Variants in IL18R1 observed in about 807,000 individuals in gnomAD.
IL18R1 encodes interleukin 18 receptor 1.
IL18R1 carries 40 observed loss-of-function variants against 48.5 expected under a neutral mutation model. That is an observed-to-expected ratio of 0.82 (90% CI 0.64 to 1.07). The LOEUF (loss-of-function observed/expected upper bound fraction) is 1.07, where lower values mean the gene tolerates loss of function less well. Ranked by LOEUF, IL18R1 falls within the 50% of genes least tolerant of loss-of-function variation. IL18R1 has a pLI of 0.00. For missense variants in IL18R1, 596 were observed against 633.7 expected, an observed-to-expected ratio of 0.94 and a Z score of 0.64; for synonymous variants, 232 against 225.9, an observed-to-expected ratio of 1.03 and a Z score of -0.24.
At chr2:102,368,193 T>C in intron 3 of IL18R1, 125 bp downstream of exon 3, 3 of 1,035,586 alleles carry the variant, frequency 2.9e-6, no homozygotes, top group Non-Finnish European at 4.3e-6. Flanking sequence ...ACTCTTCCTA[T>C]GACATGAAAT....
In IL18R1 at chr2:102,397,873, G is replaced by C. The variant is rs1415215872; in HGVS notation, c.*987G>C. On this transcript the variant is annotated 3_prime_UTR_variant, in exon 11 of 11. Transcript: ENST00000233957. ...CTGGAACCTTATCCAACCTCTTGGTGCTTCAGTTTCCTCATCTGTGAAATT... is the reference window on the plus strand; with the variant it reads ...CTGGAACCTTATCCAACCTCTTGGTCCTTCAGTTTCCTCATCTGTGAAATT... 6.6e-6 allele frequency: 1 copy of C among 152,172 alleles called. No individual in the cohort carries two copies. The highest frequency in any genetic ancestry group is 1.5e-5 in the Non-Finnish European group (1 of 68,032). The allele number at this position is 152,172 out of a possible 1,614,324, so 9.4% of individuals were successfully genotyped here.
chr2:102,364,777 C>A (rs1678786750), intron 2 of IL18R1, among the ~76,000 whole-genome samples: 1 of 152,008 alleles, frequency 6.6e-6, no homozygotes, highest in Admixed American at 6.6e-5. Context: ...GCTGGGGAGG[C>A]CTCAGGAAGC....
intron 6 of IL18R1, among the ~76,000 whole-genome samples, chr2:102,383,811 T>C (rs1206231725): frequency 2.6e-5 from 4 of 152,188 alleles, no homozygotes; most frequent in Non-Finnish European, 5.9e-5. Flanking sequence ...TTCAATTTAT[T>C]CTTTTTAAAA....
chr2:102,394,690 T>G, intron 10 of IL18R1, 63 bp downstream of exon 10: 1 of 1,412,110 alleles, frequency 7.1e-7, no homozygotes, highest in Non-Finnish European at 9.7e-7. Context: ...ATGAATGAGC[T>G]AGCCCCCAGA....
Position 102,376,034 on chromosome 2 carries a change from C to A in IL18R1, c.596C>A (p.Thr199Asn). 6.3e-7 allele frequency: 1 copy of A among 1,597,628 alleles called. No homozygotes were observed. The highest frequency in any genetic ancestry group is 1.3e-5 in the African/African-American group (1 of 74,130). Reference protein sequence around the residue: ...LHHNGKLFNITKTFNITIVED... With the variant: ...LHHNGKLFNINKTFNITIVED... Reference sequence around the variant, plus strand: ...CATAATGGAAAACTATTTAATATCACCAAAACCTTCAATATAACAATAGTG... The same window carrying A: ...CATAATGGAAAACTATTTAATATCAACAAAACCTTCAATATAACAATAGTG... Residue 199 changes from threonine to asparagine, a missense_variant, in exon 5 of 11, where the codon ACC becomes AAC. Thr to Asn is a moderately conservative substitution (Grantham distance 65). This residue lies in a region of IL18R1 where 360 missense variants were observed against 339.4 expected (regional missense o/e 1.06). Coordinates refer to ENST00000233957, the MANE Select transcript of IL18R1 (RefSeq NM_003855.5).
At chr2:102,361,109 T>C (rs1678547832) in intron 1 of IL18R1, among the ~76,000 whole-genome samples, 2 of 152,218 alleles carry the variant, frequency 1.3e-5, no homozygotes, top group South Asian at 4.1e-4. Context: ...TGGTAGATAT[T>C]GAATATTTTT....
In IL18R1 at chr2:102,394,613, T is replaced by C; in HGVS notation, c.1256T>C (p.Val419Ala). ...AAGTTATGCATATTTGAAAGGGATG[T>C]AGTGCCTGGAGGAGGTAAGAGGGAA... ...GYKLCIFERD[V>A]VPGGAVVDEI... is the part of the protein sequence containing the mutation. The change falls in exon 10 of 11, where the codon GTA (valine) becomes GCA (alanine). Residue 419 changes from valine to alanine, a missense_variant. Val to Ala is a moderately conservative substitution (Grantham distance 64, BLOSUM62 0). Around this residue, in one of 3 missense-constraint regions of IL18R1, gnomAD observed 179 missense variants for 206.1 expected, o/e 0.87. Coordinates refer to ENST00000233957, the MANE Select transcript of IL18R1 (RefSeq NM_003855.5). 2 of 1,609,538 alleles carry C rather than the reference T, an allele frequency of 1.2e-6. No individual in the cohort carries two copies. The highest frequency in any genetic ancestry group is 1.7e-6 in the Non-Finnish European group (2 of 1,177,170).
At chr2:102,356,949 T>C (rs557355711) in intron 1 of IL18R1, among the ~76,000 whole-genome samples, 2 of 152,284 alleles carry the variant, frequency 1.3e-5, no homozygotes, top group Admixed American at 6.5e-5. Context: ...GAGGTGTCAA[T>C]TGCAGCCAGA....
intron 8 of IL18R1, among the ~76,000 whole-genome samples, chr2:102,387,892 CAG>C (rs914669459): frequency 1.8e-4 from 28 of 151,564 alleles, no homozygotes; most frequent in Middle Eastern, 3.4e-3. Context: ...GAAAGAGAGA[CAG>C]AGACACAGAG....
chr2:102,360,935 T>G (rs1440340193), intron 1 of IL18R1, among the ~76,000 whole-genome samples: 1 of 152,200 alleles, frequency 6.6e-6, no homozygotes, highest in East Asian at 1.9e-4. Flanking sequence ...AATTCACACA[T>G]AAAACTTAAG....
intron 9 of IL18R1, among the ~76,000 whole-genome samples, chr2:102,392,443 G>A (rs778035403): frequency 1.3e-5 from 2 of 152,098 alleles, no homozygotes; most frequent in African/African-American, 4.8e-5. Context: ...ATGATTTGCG[G>A]TAATTTTTTC....
chr2:102,363,548 C>A (rs1422223977), intron 2 of IL18R1, among the ~76,000 whole-genome samples: 1 of 152,106 alleles, frequency 6.6e-6, no homozygotes, highest in Non-Finnish European at 1.5e-5. Flanking sequence ...AATGATCTGT[C>A]AAACAAGTGA....
chr2:102,374,550 G>A (rs771722403), intron 4 of IL18R1, among the ~76,000 whole-genome samples: 4 of 152,114 alleles, frequency 2.6e-5, no homozygotes, highest in Non-Finnish European at 5.9e-5. Flanking sequence ...AGGCTGAGGT[G>A]GGCGGATTAT....
At position 102,397,648 on chromosome 2, in the gene IL18R1, T is replaced by C. The variant is rs1680891876; in HGVS notation, c.*762T>C. The C allele has an allele frequency of 6.6e-6, 1 of 152,410 alleles. No homozygotes were observed. 9.4% of individuals were successfully genotyped at this position (152,410 alleles called of 1,614,324 possible). A position where few individuals can be genotyped will look rare whatever the true frequency, so the allele number is the denominator to read the frequency against. ...TGCTCTGAAACATTTGTTGATTTTGTGTGAATGTTTATATCAAAATGTTTG... is the reference window on the plus strand; with the variant it reads ...TGCTCTGAAACATTTGTTGATTTTGCGTGAATGTTTATATCAAAATGTTTG... On this transcript the variant is annotated 3_prime_UTR_variant, in exon 11 of 11. Transcript: ENST00000233957.
At position 102,396,740 on chromosome 2, in the gene IL18R1, T is replaced by G. The variant is rs200861889; in HGVS notation, c.1480T>G (p.Ser494Ala). Reference sequence around the variant, plus strand: ...GCCCCAATCACTAAAGCTTTTGAAATCTCACAGAGTTCTGAAGTGGAAGGC... The same window carrying G: ...GCCCCAATCACTAAAGCTTTTGAAAGCTCACAGAGTTCTGAAGTGGAAGGC... Reference protein sequence around the residue: ...FLPQSLKLLKSHRVLKWKADK... With the variant: ...FLPQSLKLLKAHRVLKWKADK... Residue 494 changes from serine to alanine, a missense_variant, in exon 11 of 11, where the codon TCT becomes GCT. Ser to Ala is a moderately conservative substitution (Grantham distance 99). Transcript: ENST00000233957. 4.3e-6 allele frequency: 7 copies of G among 1,614,122 alleles called. No homozygotes were observed. The East Asian group carries it at 1.3e-4, about 31-fold the overall frequency.
intron 4 of IL18R1, among the ~76,000 whole-genome samples, chr2:102,373,275 C>T (rs1679375778): frequency 6.6e-6 from 1 of 152,070 alleles, no homozygotes; most frequent in South Asian, 2.1e-4. Flanking sequence ...GAATACTATA[C>T]AGCCATAAAA....
Position 102,394,470 on chromosome 2 carries a change from T to C in IL18R1, c.1113T>C (p.Asp371=). 3 of 1,606,070 alleles carry C rather than the reference T, an allele frequency of 1.9e-6. No individual in the cohort carries two copies. The highest frequency in any genetic ancestry group is 1.7e-6 in the Non-Finnish European group (2 of 1,175,454). ...HLTRRDETLT[D]GKTYDAFVSY... is the part of the protein sequence containing the mutation. The stretch of plus-strand genomic sequence containing the variant: ...AAAAGAGCCAATCTTACCTCCTAGA[T>C]GGAAAAACATATGATGCTTTTGTGT... Residue 371 remains aspartate, a splice_region_variant and synonymous_variant, in exon 10 of 11, where the codon GAT becomes GAC. Coordinates refer to ENST00000233957, the MANE Select transcript of IL18R1 (RefSeq NM_003855.5).
chr2:102,374,508 G>A (rs1386789946), intron 4 of IL18R1, among the ~76,000 whole-genome samples: 2 of 152,182 alleles, frequency 1.3e-5, no homozygotes, highest in Non-Finnish European at 2.9e-5. Context: ...TTCGGGTGCA[G>A]TGGCTCACAC....
chr2:102,387,143 A>G, intron 8 of IL18R1, 143 bp downstream of exon 8: 1 of 834,510 alleles, frequency 1.2e-6, no homozygotes, highest in Middle Eastern at 2.4e-4. Flanking sequence ...ACAGGCATTC[A>G]GTGGGGCCCC....
Sources: gnomAD v4.1 joint callset for allele counts (sites outside exome capture counted in the v4.1 genomes callset) on GRCh38, gnomAD v4.1.1 for gene constraint, gnomAD v4.1.1 regional missense constraint, MANE v1.5 for transcripts, NCBI Gene and HGNC (gene_info 2026-07-23, HGNC 2026-07-21) for gene names.